The following FRMD4A variants were observed in gnomAD, a reference collection of about 807,000 sequenced individuals.
FRMD4A encodes FERM domain containing 4A, also known as FERM domain-containing protein 4A.
In FRMD4A, 29 loss-of-function variants were observed where a neutral mutation model predicts 129.1. The observed-to-expected ratio is 0.22, with a 90% CI of 0.17 to 0.31. FRMD4A has a LOEUF of 0.31. Among genes scored for constraint, FRMD4A ranks in the 10% least tolerant of loss-of-function variants. The probability of loss-of-function intolerance (pLI) is 1.00; values close to 1 mark genes in which losing one functional copy is unlikely to be tolerated. For synonymous variants in FRMD4A, 634 were observed against 571.6 expected, an observed-to-expected ratio of 1.11 and a Z score of -1.56; for missense variants, 1,272 against 1,375.8, an observed-to-expected ratio of 0.92 and a Z score of 1.19.
At chr10:13,690,766 A>C (rs1407622555) in intron 15 of FRMD4A, among the ~76,000 whole-genome samples, 3 of 152,158 alleles carry the variant, frequency 2.0e-5, no homozygotes, top group Non-Finnish European at 4.4e-5. Flanking sequence ...ACTAACTCCT[A>C]ATCACCTCAG....
chr10:14,318,683 T>C (rs1846850117), intron 2 of FRMD4A, among the ~76,000 whole-genome samples: 1 of 152,138 alleles, frequency 6.6e-6, no homozygotes, highest in African/African-American at 2.4e-5. Context: ...TATACAATGT[T>C]TCCTCTGAGT....
chr10:14,094,432 T>C (rs1337271688), intron 2 of FRMD4A, among the ~76,000 whole-genome samples: 2 of 152,240 alleles, frequency 1.3e-5, no homozygotes, highest in African/African-American at 2.4e-5. Context: ...GCTATCCTGC[T>C]ATCCTGCTTC....
chr10:14,167,084 G>A (rs375843010), intron 2 of FRMD4A, among the ~76,000 whole-genome samples: 1 of 152,180 alleles, frequency 6.6e-6, no homozygotes, highest in Non-Finnish European at 1.5e-5. Flanking sequence ...ATAGCCAGAA[G>A]AGAATAATTA....
chr10:14,176,005 G>C (rs986027182), intron 2 of FRMD4A, among the ~76,000 whole-genome samples: 2 of 152,168 alleles, frequency 1.3e-5, no homozygotes, highest in African/African-American at 4.8e-5. Context: ...ATTTCTGGGG[G>C]ACTCTGGACC....
In FRMD4A at chr10:13,856,016, AT is replaced by A. The variant is rs1471808740; in HGVS notation, c.111+2830del. On this transcript the variant is annotated intron_variant, in intron 3 of 24. Coordinates refer to ENST00000357447, the MANE Select transcript of FRMD4A (RefSeq NM_018027.5). ...ATTTAGCTTACCACACACAAATACT[AT>A]CTATCTATCTATCTATCTATCTATC... 6.6e-3 allele frequency among the ~76,000 whole-genome samples: 147 copies of A among 22,162 alleles called. 1 individual carries two copies. The highest frequency in any genetic ancestry group is 0.017 in the African/African-American group (140 of 8,054). The allele number at this position is 22,162 out of a possible 152,430, so 14.5% of individuals were successfully genotyped here.
At chr10:13,938,273 G>T (rs143179413) in intron 2 of FRMD4A, among the ~76,000 whole-genome samples, 1,790 of 151,840 alleles carry the variant, frequency 0.012, 10 homozygotes, top group Non-Finnish European at 0.017. Context: ...ACACAGTCTT[G>T]TTCTGTTGCC....
At chr10:13,898,916 C>T (rs756657060) in intron 2 of FRMD4A, among the ~76,000 whole-genome samples, 39 of 152,292 alleles carry the variant, frequency 2.6e-4, no homozygotes, top group Non-Finnish European at 5.0e-4. Flanking sequence ...GGCACAGTGG[C>T]TCACACCTGT....
intron 12 of FRMD4A, among the ~76,000 whole-genome samples, chr10:13,721,405 C>T (rs770570536): frequency 6.6e-6 from 1 of 152,142 alleles, no homozygotes; most frequent in Non-Finnish European, 1.5e-5. Flanking sequence ...TCGCTGGAAT[C>T]CAGGAGGCAG....
chr10:14,121,894 A>T (rs1838543141), intron 2 of FRMD4A, among the ~76,000 whole-genome samples: 1 of 152,172 alleles, frequency 6.6e-6, no homozygotes, highest in Non-Finnish European at 1.5e-5. Context: ...CCATTTTCTC[A>T]TTGGTTAAAT....
intron 2 of FRMD4A, among the ~76,000 whole-genome samples, chr10:13,983,960 G>A (rs560190712): frequency 2.6e-5 from 4 of 151,794 alleles, no homozygotes; most frequent in South Asian, 2.1e-4. Context: ...CCGAGACTGC[G>A]CCACTGTACT....
At chr10:14,248,219 A>T (rs1044514002) in intron 2 of FRMD4A, among the ~76,000 whole-genome samples, 2 of 152,138 alleles carry the variant, frequency 1.3e-5, no homozygotes, top group African/African-American at 4.8e-5. Flanking sequence ...CCCAAATATA[A>T]GGAGACCCAT....
intron 2 of FRMD4A, among the ~76,000 whole-genome samples, chr10:14,147,715 G>A (rs2131850453): frequency 6.6e-6 from 1 of 152,204 alleles, no homozygotes; most frequent in South Asian, 2.1e-4. Flanking sequence ...GTGGAGCTCA[G>A]GTGGTAATGT....
intron 3 of FRMD4A, among the ~76,000 whole-genome samples, chr10:13,814,604 A>AAAG (rs2093507086): frequency 7.3e-6 from 1 of 137,828 alleles, no homozygotes; most frequent in East Asian, 2.0e-4. Context: ...AAAAAAAAAA[A>AAAG]AAAGAAAGAA....
At chr10:14,076,960 G>C (rs1475820876) in intron 2 of FRMD4A, among the ~76,000 whole-genome samples, 29 of 152,214 alleles carry the variant, frequency 1.9e-4, no homozygotes, top group Admixed American at 1.9e-3. Context: ...AGGTGTCCAA[G>C]CTGGAGGGTT....
chr10:13,702,529 T>C (rs1030444707), intron 13 of FRMD4A, among the ~76,000 whole-genome samples: 2 of 130,558 alleles, frequency 1.5e-5, no homozygotes, highest in Non-Finnish European at 3.2e-5. Flanking sequence ...AATCTAAGAA[T>C]GTGTGTTTGC....
At chr10:13,674,859 G>A (rs770221097) in intron 16 of FRMD4A, 52 bp downstream of exon 16, 26 of 1,570,010 alleles carry the variant, frequency 1.7e-5, no homozygotes, top group Non-Finnish European at 2.3e-5. Context: ...AGAAAGATCA[G>A]TGACATCACA....
chr10:14,065,028 A>C (rs1373023761), intron 2 of FRMD4A, among the ~76,000 whole-genome samples: 1 of 152,208 alleles, frequency 6.6e-6, no homozygotes, highest in Non-Finnish European at 1.5e-5. Context: ...AAGCATTTCA[A>C]CGTATACTAC....
chr10:13,690,752 T>C (rs1327249557), intron 15 of FRMD4A, among the ~76,000 whole-genome samples: 2 of 152,146 alleles, frequency 1.3e-5, no homozygotes, highest in African/African-American at 4.8e-5. Flanking sequence ...CCCCAGCTGC[T>C]ACTACTAACT....
chr10:13,794,553 C>G (rs976525677), intron 5 of FRMD4A, among the ~76,000 whole-genome samples: 1 of 152,086 alleles, frequency 6.6e-6, no homozygotes, highest in Non-Finnish European at 1.5e-5. Flanking sequence ...TTTGGACCTG[C>G]TGAGTTTGAA....
Sources: allele counts gnomAD v4.1 joint callset (sites outside exome capture counted in the v4.1 genomes callset), GRCh38; gene constraint gnomAD v4.1.1; transcripts MANE v1.5; gene names NCBI Gene and HGNC (gene_info 2026-07-23, HGNC 2026-07-21).